The following BTBD7 variants were observed in gnomAD, a reference collection of about 807,000 sequenced individuals.
BTBD7 encodes the protein BTB/POZ domain-containing protein 7.
BTBD7 carries 38 observed loss-of-function variants against 99.9 expected under a neutral mutation model. The ratio of observed to expected loss-of-function variants is 0.38; its 90% confidence interval spans 0.29 to 0.50. The LOEUF is 0.50. Among genes scored for constraint, BTBD7 ranks in the 20% least tolerant of loss-of-function variants. The pLI is 0.93. For missense variants in BTBD7, 1,170 were observed against 1,394.6 expected (o/e 0.84, Z 2.57); for synonymous variants, 520 against 511.4 (o/e 1.02, Z -0.23).
chr14:93,284,887 T>C (rs773492561), intron 3 of BTBD7, among the ~76,000 whole-genome samples: 26 of 152,144 alleles, frequency 1.7e-4, no homozygotes, highest in Non-Finnish European at 2.8e-4. Flanking sequence ...GGTGAAGAGT[T>C]TGTAGTCTAT....
chr14:93,265,873 G>T (rs1273071801), intron 3 of BTBD7, among the ~76,000 whole-genome samples: 2 of 152,170 alleles, frequency 1.3e-5, no homozygotes, highest in Non-Finnish European at 2.9e-5. Flanking sequence ...AGTGAGCTGA[G>T]ATCGCACCAC....
chr14:93,263,462 AC>A (rs2052510849), intron 4 of BTBD7, among the ~76,000 whole-genome samples: 1 of 152,214 alleles, frequency 6.6e-6, no homozygotes, highest in African/African-American at 2.4e-5. Flanking sequence ...GTAAGAAACC[AC>A]TATAGAGAAG....
rs536674457 is a variant in BTBD7, at chr14:93,242,330, G to A, written c.3342C>T (p.Ser1114=). ...GCTTGCTTGGTGACCTCCTTCCTCT[G>A]CTTATTGAATCTTCCCTTTCCAAAT... The part of the protein sequence containing the change: ...NTDLEREDSI[S]RGRRSPSKPD... The change falls in exon 11 of 11, where the codon AGC becomes AGT. Residue 1114 remains serine (S), a synonymous_variant. Coordinates refer to ENST00000334746, the MANE Select transcript of BTBD7 (RefSeq NM_001002860.4). 2.4e-5 allele frequency: 39 copies of A among 1,614,156 alleles called. No individual in the cohort carries two copies. The African/African-American group carries it at 4.8e-4, about 20-fold the overall frequency.
At chr14:93,260,158 CACA>C (rs1234155947) in intron 5 of BTBD7, among the ~76,000 whole-genome samples, 2 of 152,130 alleles carry the variant, frequency 1.3e-5, no homozygotes, top group East Asian at 3.9e-4. Flanking sequence ...GCAGGTTTAG[CACA>C]ACATTTTTTA....
In BTBD7 at chr14:93,237,903, A is replaced by C. The variant is rs1332925310; in HGVS notation, c.*4370T>G. ...CATTGAAGGCACTTGACTTTATACC[A>C]GTAACAGCACAACCACAAGAAACGC... On this transcript the variant is annotated 3_prime_UTR_variant, in exon 11 of 11. Coordinates refer to ENST00000334746, the MANE Select transcript of BTBD7 (RefSeq NM_001002860.4). 1 of 152,666 alleles carries C rather than the reference A, an allele frequency of 6.6e-6. No homozygotes were observed. The highest frequency in any genetic ancestry group is 1.9e-4 in the East Asian group (1 of 5,208). 9.5% of individuals were successfully genotyped at this position (152,666 alleles called of 1,614,324 possible).
At chr14:93,265,060 C>G (rs2052527242) in intron 3 of BTBD7, among the ~76,000 whole-genome samples, 1 of 152,130 alleles carries the variant, frequency 6.6e-6, no homozygotes, top group Admixed American at 6.6e-5. Context: ...GAAATCGTGT[C>G]ACTACACTCC....
chr14:93,290,777 A>T (rs2052843399), intron 3 of BTBD7, among the ~76,000 whole-genome samples: 1 of 151,576 alleles, frequency 6.6e-6, no homozygotes, highest in Non-Finnish European at 1.5e-5. Context: ...TGCAACCTCC[A>T]TCTCCCGGGT....
At chr14:93,291,727 G>A (rs61375994) in intron 3 of BTBD7, among the ~76,000 whole-genome samples, 25,328 of 149,970 alleles carry the variant, frequency 0.17, 2,345 homozygotes, top group East Asian at 0.31. Flanking sequence ...ATTAGACAAT[G>A]CAAAAAGTAT....
At chr14:93,311,926 T>C (rs1331749963) in intron 1 of BTBD7, among the ~76,000 whole-genome samples, 2 of 124,736 alleles carry the variant, frequency 1.6e-5, no homozygotes, top group South Asian at 2.6e-4. Context: ...AACTTTGTTA[T>C]ATAATTAAAC....
intron 1 of BTBD7, among the ~76,000 whole-genome samples, chr14:93,325,772 C>T (rs2053324037): frequency 6.6e-6 from 1 of 152,144 alleles, no homozygotes; most frequent in African/African-American, 2.4e-5. Flanking sequence ...AAAACCCCAA[C>T]GATGCTCTAA....
At chr14:93,286,050 A>G (rs962188709) in intron 3 of BTBD7, among the ~76,000 whole-genome samples, 3 of 152,128 alleles carry the variant, frequency 2.0e-5, no homozygotes, top group African/African-American at 7.2e-5. Context: ...AAGCTCCTAC[A>G]TTCTGTCCCT....
chr14:93,323,948 C>T (rs79863278), intron 1 of BTBD7, among the ~76,000 whole-genome samples: 1 of 152,348 alleles, frequency 6.6e-6, no homozygotes, highest in Non-Finnish European at 1.5e-5. Flanking sequence ...TGTGCGACAT[C>T]CCGTACACTT....
Position 93,294,203 on chromosome 14 carries a change from C to T in BTBD7, c.817G>A (p.Glu273Lys), listed in dbSNP as rs767438409. The change falls in exon 3 of 11, where the codon GAG (glutamate) becomes AAG (lysine). Residue 273 changes from glutamate to lysine, a missense_variant. This residue lies in a region of BTBD7 where 359 missense variants were observed against 497.9 expected (regional missense o/e 0.72). Transcript: ENST00000334746. The part of the protein sequence containing the change: ...FGGNQNCLDE[E>K]LKAHKAVISA... Reference sequence around the variant, plus strand: ...ATAACAGCCTTGTGGGCTTTGAGCTCTTCATCTAAACAGTTCTGATTTCCA... The same window carrying T: ...ATAACAGCCTTGTGGGCTTTGAGCTTTTCATCTAAACAGTTCTGATTTCCA... 3.1e-6 allele frequency: 5 copies of T among 1,614,048 alleles called. No individual in the cohort carries two copies. In the Admixed American group the frequency reaches 8.3e-5, roughly 27 times the overall value.
At chr14:93,332,794 C>T (rs1306385202) in intron 1 of BTBD7, 26 bp downstream of exon 1, 2 of 1,473,790 alleles carry the variant, frequency 1.4e-6, no homozygotes, top group East Asian at 3.0e-5. Flanking sequence ...GGCTCCACAG[C>T]CTCAGAGACA....
intron 3 of BTBD7, among the ~76,000 whole-genome samples, chr14:93,266,869 A>G (rs2052548557): frequency 6.6e-6 from 1 of 152,238 alleles, no homozygotes; most frequent in African/African-American, 2.4e-5. Context: ...GATGACACCC[A>G]AAGGCGTGAA....
chr14:93,333,022 T>A lies in BTBD7; in HGVS notation c.-309A>T, dbSNP rs1225064115. ...AGGTTCCCCTCGCCGCCATTTTGACTCCTAGACGGAGCAGGAGGGGCTCGG... is the reference window on the plus strand; with the variant it reads ...AGGTTCCCCTCGCCGCCATTTTGACACCTAGACGGAGCAGGAGGGGCTCGG... On this transcript the variant is annotated 5_prime_UTR_variant, in exon 1 of 11. Coordinates refer to ENST00000334746, the MANE Select transcript of BTBD7 (RefSeq NM_001002860.4). 1 of 515,638 alleles carries A rather than the reference T, an allele frequency of 1.9e-6. No individual in the cohort carries two copies. Among genetic ancestry groups the A allele is most frequent in the African/African-American group, 2.0e-5 (1 of 48,970 alleles). The allele number at this position is 515,638 out of a possible 1,614,324, so 31.9% of individuals were successfully genotyped here.
chr14:93,300,248 T>C (rs1281049104), intron 1 of BTBD7, among the ~76,000 whole-genome samples: 2 of 148,386 alleles, frequency 1.3e-5, no homozygotes, highest in African/African-American at 5.1e-5. Flanking sequence ...AGGAAGTTCT[T>C]TCTTTGTTCT....
At chr14:93,277,121 T>A (rs910458951) in intron 3 of BTBD7, among the ~76,000 whole-genome samples, 1 of 152,004 alleles carries the variant, frequency 6.6e-6, no homozygotes, top group Non-Finnish European at 1.5e-5. Flanking sequence ...AGGCTGGTCC[T>A]GAAATCCCGA....
intron 3 of BTBD7, among the ~76,000 whole-genome samples, chr14:93,270,410 AC>A (rs2052589069): frequency 6.6e-6 from 1 of 151,892 alleles, no homozygotes; most frequent in South Asian, 2.1e-4. Flanking sequence ...GCTTTTATTA[AC>A]AGCCAAGCGT....
Sources: gnomAD v4.1 joint callset for allele counts (sites outside exome capture counted in the v4.1 genomes callset) on GRCh38, gnomAD v4.1.1 for gene constraint, gnomAD v4.1.1 regional missense constraint, MANE v1.5 for transcripts, NCBI Gene and HGNC (gene_info 2026-07-23, HGNC 2026-07-21) for gene names.